Variants in DLGAP2 observed in about 807,000 individuals in gnomAD.
The protein encoded by DLGAP2 is disks large-associated protein 2.
In DLGAP2, 26 loss-of-function variants were observed where a neutral mutation model predicts 100.3. The ratio of observed to expected loss-of-function variants is 0.26; its 90% CI spans 0.19 to 0.36. The LOEUF is 0.36. Among genes scored for constraint, DLGAP2 ranks in the 10% least tolerant of loss-of-function variants. DLGAP2 has a pLI of 1.00. For missense variants in DLGAP2, 1,858 were observed against 1,453.2 expected (o/e 1.28, Z -4.53); for synonymous variants, 886 against 630.1 (o/e 1.41, Z -6.08).
At chr8:1,081,883 C>T (rs573506993) in intron 2 of DLGAP2, among the ~76,000 whole-genome samples, 5 of 152,192 alleles carry the variant, frequency 3.3e-5, no homozygotes, top group East Asian at 3.9e-4. Flanking sequence ...GAGTGGATGC[C>T]GACGCTGCGG....
At chr8:1,624,975 A>G (rs1797455321) in intron 6 of DLGAP2, among the ~76,000 whole-genome samples, 1 of 152,304 alleles carries the variant, frequency 6.6e-6, no homozygotes, top group Admixed American at 6.5e-5. Context: ...AATATTTAGC[A>G]GAAAGAATGA....
intron 3 of DLGAP2, among the ~76,000 whole-genome samples, chr8:1,323,001 C>T (rs1800941025): frequency 6.6e-6 from 1 of 151,474 alleles, no homozygotes; most frequent in Non-Finnish European, 1.5e-5. Flanking sequence ...AGAATAAGTG[C>T]TTAGTAGATG....
chr8:1,468,601 C>A (rs1015883343), intron 3 of DLGAP2, among the ~76,000 whole-genome samples: 2 of 152,246 alleles, frequency 1.3e-5, no homozygotes, highest in South Asian at 4.1e-4. Flanking sequence ...GGCATCCCTC[C>A]ACCCTTGAAG....
chr8:1,475,777 C>G (rs1055264119), intron 3 of DLGAP2, among the ~76,000 whole-genome samples: 3 of 152,152 alleles, frequency 2.0e-5, no homozygotes, highest in African/African-American at 4.8e-5. Flanking sequence ...TGTTCACCAA[C>G]TATTCAATAA....
intron 2 of DLGAP2, among the ~76,000 whole-genome samples, chr8:1,171,594 T>C (rs948580092): frequency 3.3e-5 from 5 of 152,200 alleles, no homozygotes; most frequent in Non-Finnish European, 4.4e-5. Flanking sequence ...ATATTTAGGA[T>C]ACTTAGCTCT....
intron 2 of DLGAP2, among the ~76,000 whole-genome samples, chr8:1,060,456 G>A (rs567055224): frequency 1.3e-5 from 2 of 149,718 alleles, no homozygotes; most frequent in Non-Finnish European, 2.9e-5. Flanking sequence ...GCCCATGGAA[G>A]CGCGTCACCG....
chr8:1,376,419 C>G (rs1011218987), intron 3 of DLGAP2, among the ~76,000 whole-genome samples: 1 of 152,256 alleles, frequency 6.6e-6, no homozygotes, highest in African/African-American at 2.4e-5. Context: ...GCTGCATGGC[C>G]TCTGTGCCCA....
rs558440434 is a variant in DLGAP2, at chr8:1,447,364, T to C, written c.107-54002T>C. On this transcript the variant is annotated intron_variant, in intron 3 of 14. Transcript: ENST00000637795. Reference sequence around the variant, plus strand: ...ATAATCATGTGGTTTTTGTCTTTGGTTCTGTTTATATGCTGGATTACATTT... The same window carrying C: ...ATAATCATGTGGTTTTTGTCTTTGGCTCTGTTTATATGCTGGATTACATTT... Among the ~76,000 whole-genome samples, 1,139 of 152,368 alleles carry C rather than the reference T, an allele frequency of 7.5e-3. 15 individuals carry two copies. Among genetic ancestry groups the C allele is most frequent in the African/African-American group, 0.025 (1,043 of 41,586 alleles).
At chr8:1,032,615 G>A (rs1802007593) in intron 2 of DLGAP2, 1 of 152,122 alleles carries the variant, frequency 6.6e-6, no homozygotes, top group African/African-American at 2.4e-5. Flanking sequence ...ATTTTACCAT[G>A]CCCTAAAAGT....
chr8:1,322,242 T>A (rs953515860), intron 3 of DLGAP2, among the ~76,000 whole-genome samples: 1 of 152,220 alleles, frequency 6.6e-6, no homozygotes, highest in Non-Finnish European at 1.5e-5. Flanking sequence ...GAAATTCGAG[T>A]ATTTCATATT....
chr8:1,174,672 C>G (rs1797215047), intron 2 of DLGAP2, among the ~76,000 whole-genome samples: 1 of 149,772 alleles, frequency 6.7e-6, no homozygotes, highest in Non-Finnish European at 1.5e-5. Flanking sequence ...TCATCATCAC[C>G]ATCACCACCA....
At chr8:1,171,653 A>C (rs997287617) in intron 2 of DLGAP2, among the ~76,000 whole-genome samples, 12 of 152,068 alleles carry the variant, frequency 7.9e-5, no homozygotes, top group African/African-American at 2.9e-4. Flanking sequence ...TTCTTTGTCA[A>C]CTTTGATCTT....
chr8:1,510,283 G>C (rs1044160987), intron 4 of DLGAP2, among the ~76,000 whole-genome samples: 1 of 152,236 alleles, frequency 6.6e-6, no homozygotes, highest in African/African-American at 2.4e-5. Flanking sequence ...CTGTGGCTGT[G>C]AAGTGTGGCT....
At chr8:940,495 T>C (rs1354711094) in intron 2 of DLGAP2, among the ~76,000 whole-genome samples, 1 of 152,144 alleles carries the variant, frequency 6.6e-6, no homozygotes, top group East Asian at 1.9e-4. Context: ...GGACATCGTC[T>C]GTGAGTGTAT....
At chr8:1,295,025 G>C (rs1331975952) in intron 3 of DLGAP2, among the ~76,000 whole-genome samples, 1 of 152,086 alleles carries the variant, frequency 6.6e-6, no homozygotes, top group African/African-American at 2.4e-5. Flanking sequence ...GTTAATAGAA[G>C]GGTGATATCG....
intron 2 of DLGAP2, among the ~76,000 whole-genome samples, chr8:908,514 G>T (rs970364938): frequency 1.1e-4 from 17 of 152,252 alleles, no homozygotes; most frequent in African/African-American, 3.9e-4. Flanking sequence ...GGCGTGTGTG[G>T]CTGGTGGTTG....
intron 2 of DLGAP2, among the ~76,000 whole-genome samples, chr8:1,118,587 G>A (rs1434684923): frequency 7.2e-6 from 1 of 139,288 alleles, no homozygotes; most frequent in Non-Finnish European, 1.6e-5. Context: ...TTAATCAGTA[G>A]AAATGGAATT....
At chr8:737,875 C>T in intron 1 of DLGAP2, 50 bp downstream of exon 1, 2 of 372,534 alleles carry the variant, frequency 5.4e-6, no homozygotes, top group Admixed American at 4.6e-5. Context: ...CTCCGAGAGC[C>T]GTCGAGGCGG....
chr8:1,039,253 C>T (rs958052554), intron 2 of DLGAP2, among the ~76,000 whole-genome samples: 2 of 148,240 alleles, frequency 1.3e-5, no homozygotes, highest in African/African-American at 2.5e-5. Flanking sequence ...TGTGCGTGGT[C>T]GTCTCAGTTT....
Sources: allele counts gnomAD v4.1 joint callset (sites outside exome capture counted in the v4.1 genomes callset), GRCh38; gene constraint gnomAD v4.1.1; transcripts MANE v1.5; gene names NCBI Gene and HGNC (gene_info 2026-07-23, HGNC 2026-07-21).